Variants in SEMA5A observed in about 807,000 individuals in gnomAD.
The protein encoded by SEMA5A is semaphorin-5A.
SEMA5A carries 55 observed loss-of-function variants against 135.5 expected under a neutral mutation model. The observed-to-expected ratio is 0.41, with a 90% confidence interval of 0.33 to 0.51. The LOEUF (loss-of-function observed/expected upper bound fraction) is 0.51, where lower values mean the gene tolerates loss of function less well. SEMA5A is among the 20% of genes least tolerant of loss of function. The pLI is 0.37. For missense variants in SEMA5A, 1,290 were observed against 1,419.9 expected (o/e 0.91, Z 1.47); for synonymous variants, 580 against 546.5 (o/e 1.06, Z -0.85).
intron 2 of SEMA5A, among the ~76,000 whole-genome samples, chr5:9,419,778 C>T (rs1391354423): frequency 1.3e-5 from 2 of 152,146 alleles, no homozygotes; most frequent in Non-Finnish European, 2.9e-5. Flanking sequence ...TCTCAAGAAT[C>T]ATTGTATGAC....
chr5:9,453,337 C>T (rs1758715404), intron 1 of SEMA5A, among the ~76,000 whole-genome samples: 1 of 152,198 alleles, frequency 6.6e-6, no homozygotes, highest in East Asian at 1.9e-4. Context: ...GCAATCCTAT[C>T]ACCTTCTTGT....
intron 10 of SEMA5A, among the ~76,000 whole-genome samples, chr5:9,193,837 C>T (rs1232017656): frequency 6.6e-6 from 1 of 152,102 alleles, no homozygotes; most frequent in Non-Finnish European, 1.5e-5. Flanking sequence ...GTAGAGGTTC[C>T]AGTGAGCTGA....
At chr5:9,286,726 AC>A (rs1750814589) in intron 5 of SEMA5A, among the ~76,000 whole-genome samples, 2 of 17,186 alleles carry the variant, frequency 1.2e-4, no homozygotes, top group Non-Finnish European at 6.1e-4. Context: ...ATACACACAT[AC>A]ACACACACAC....
At chr5:9,342,509 T>C (rs1753695143) in intron 3 of SEMA5A, among the ~76,000 whole-genome samples, 2 of 152,128 alleles carry the variant, frequency 1.3e-5, no homozygotes, top group South Asian at 4.1e-4. Flanking sequence ...AAACTAAGAT[T>C]CAAGCCAAAC....
At chr5:9,455,386 G>A (rs1432260863) in intron 1 of SEMA5A, among the ~76,000 whole-genome samples, 1 of 151,890 alleles carries the variant, frequency 6.6e-6, no homozygotes, top group African/African-American at 2.4e-5. Context: ...CTCCCGAGTA[G>A]CTGGGACTGC....
chr5:9,174,629 C>T (rs1197871318), intron 11 of SEMA5A, among the ~76,000 whole-genome samples: 1 of 152,172 alleles, frequency 6.6e-6, no homozygotes, highest in Non-Finnish European at 1.5e-5. Flanking sequence ...TTAGTAATGC[C>T]TGGTCATCAT....
Position 9,499,904 on chromosome 5 carries a change from T to C in SEMA5A, c.-175+45680A>G, listed in dbSNP as rs571880494. On this transcript the variant is annotated intron_variant, in intron 1 of 22. Coordinates refer to ENST00000382496, the MANE Select transcript of SEMA5A (RefSeq NM_003966.3). ...CAAGAAGAAACCGAAATAAGAAGGC[T>C]TGGGGAAAAAAGTCTGAAGCTGGTT... Among the ~76,000 whole-genome samples the C allele has an allele frequency of 9.2e-5, 14 of 151,982 alleles. 1 individual carries two copies. The highest frequency in any genetic ancestry group is 7.9e-4 in the Admixed American group (12 of 15,272).
intron 5 of SEMA5A, among the ~76,000 whole-genome samples, chr5:9,291,082 C>T (rs530662970): frequency 2.0e-5 from 3 of 152,262 alleles, no homozygotes; most frequent in African/African-American, 7.2e-5. Context: ...CAGAATTTCC[C>T]ATTTTCTTTC....
At chr5:9,541,478 TA>T (rs1738087861) in intron 1 of SEMA5A, among the ~76,000 whole-genome samples, 1 of 152,142 alleles carries the variant, frequency 6.6e-6, no homozygotes, top group African/African-American at 2.4e-5. Context: ...TTTCATCCTC[TA>T]AAAAAATTAT....
At chr5:9,276,446 T>A (rs1311304104) in intron 5 of SEMA5A, among the ~76,000 whole-genome samples, 1 of 152,148 alleles carries the variant, frequency 6.6e-6, no homozygotes, top group African/African-American at 2.4e-5. Context: ...CCTCACAGAA[T>A]TGGAAAAATC....
intron 5 of SEMA5A, among the ~76,000 whole-genome samples, chr5:9,313,901 A>C (rs2150654885): frequency 6.6e-6 from 1 of 152,302 alleles, no homozygotes; most frequent in Non-Finnish European, 1.5e-5. Context: ...ACAAGGTAGA[A>C]ACTGCCCTCA....
chr5:9,400,532 A>C (rs1579479402), intron 2 of SEMA5A, among the ~76,000 whole-genome samples: 1 of 36,232 alleles, frequency 2.8e-5, no homozygotes, highest in Non-Finnish European at 4.4e-5. Context: ...TTTGAGACGG[A>C]GTCTCGCTCT....
intron 1 of SEMA5A, among the ~76,000 whole-genome samples, chr5:9,529,268 G>A (rs542018469): frequency 9.2e-5 from 14 of 152,292 alleles, no homozygotes; most frequent in Admixed American, 2.0e-4. Flanking sequence ...CACCATTTCC[G>A]CCCTGCATGG....
At chr5:9,541,564 G>T (rs1010198612) in intron 1 of SEMA5A, among the ~76,000 whole-genome samples, 2 of 152,098 alleles carry the variant, frequency 1.3e-5, no homozygotes, top group Non-Finnish European at 2.9e-5. Flanking sequence ...AGGAAAAAAA[G>T]AGTTTAAAAA....
At position 9,054,181 on chromosome 5, in the gene SEMA5A, G is replaced by T. The variant is rs201560724; in HGVS notation, c.2595C>A (p.Thr865=). ...CCGGGGCTGGATTGGAGCAAGAGCG[G>T]GTCCTCATATAGTGTCCACCGCCGC... ...ATCGGGHYMR[T]RSCSNPAPAY... is the part of the protein sequence containing the mutation. The change falls in exon 19 of 23, where the codon ACC becomes ACA. Residue 865 remains threonine, a synonymous_variant. Coordinates refer to ENST00000382496, the MANE Select transcript of SEMA5A (RefSeq NM_003966.3). 6.2e-7 allele frequency: 1 copy of T among 1,614,004 alleles called. No individual in the cohort carries two copies. The highest frequency in any genetic ancestry group is 8.5e-7 in the Non-Finnish European group (1 of 1,179,992).
chr5:9,175,472 A>G (rs116249617), intron 11 of SEMA5A, among the ~76,000 whole-genome samples: 2,109 of 152,260 alleles, frequency 0.014, 29 homozygotes, highest in Non-Finnish European at 0.021. Context: ...GGTGGCCCTT[A>G]CACGTTTAAC....
Position 9,224,951 on chromosome 5 carries a change from G to T in SEMA5A, c.433-64C>A, listed in dbSNP as rs960778710. On this transcript the variant is annotated intron_variant, in intron 7 of 22. Coordinates refer to ENST00000382496, the MANE Select transcript of SEMA5A (RefSeq NM_003966.3). Reference sequence around the variant, plus strand: ...ACAAGCCCCTTTAGTGATGCTTATGGTCACACCCACCATCATCACAGTGAC... The same window carrying T: ...ACAAGCCCCTTTAGTGATGCTTATGTTCACACCCACCATCATCACAGTGAC... 19 of 1,439,608 alleles carry T rather than the reference G, an allele frequency of 1.3e-5. No homozygotes were observed. The Admixed American group carries it at 1.9e-4, about 14-fold the overall frequency. 89.2% of individuals were successfully genotyped at this position (1,439,608 alleles called of 1,614,324 possible).
chr5:9,203,781 ATTC>A (rs1478033800), intron 8 of SEMA5A, among the ~76,000 whole-genome samples: 13 of 152,172 alleles, frequency 8.5e-5, no homozygotes, highest in African/African-American at 2.9e-4. Context: ...CGTCCAACAT[ATTC>A]TTAAGTCACT....
At chr5:9,219,586 G>C (rs1344093716) in intron 8 of SEMA5A, among the ~76,000 whole-genome samples, 11 of 152,184 alleles carry the variant, frequency 7.2e-5, no homozygotes, top group Non-Finnish European at 1.2e-4. Context: ...AACAGGCATG[G>C]ACAGAGGGAA....
Sources: gnomAD v4.1 joint callset for allele counts (sites outside exome capture counted in the v4.1 genomes callset) on GRCh38, gnomAD v4.1.1 for gene constraint, MANE v1.5 for transcripts, NCBI Gene and HGNC (gene_info 2026-07-23, HGNC 2026-07-21) for gene names.